GALNT2: variants seen among roughly 807,000 people sequenced by gnomAD.
GALNT2 encodes UDP-GalNAc:polypeptide N-acetylgalactosaminyltransferase 2.
A neutral mutation model predicts 81.4 loss-of-function variants in GALNT2; 31 were observed. The ratio of observed to expected loss-of-function variants is 0.38; its 90% CI spans 0.29 to 0.51. The LOEUF (loss-of-function observed/expected upper bound fraction) is 0.51, where lower values mean the gene tolerates loss of function less well. GALNT2 is among the 20% of genes least tolerant of loss of function. The pLI is 0.87. For synonymous variants in GALNT2, 303 were observed against 287.4 expected (o/e 1.05, Z -0.55); for missense variants, 629 against 765.7 (o/e 0.82, Z 2.11).
intron 1 of GALNT2, among the ~76,000 whole-genome samples, chr1:230,164,840 C>T (rs4846918): frequency 0.86 from 130,230 of 152,068 alleles, 55,845 homozygotes; most frequent in East Asian, 0.97. Context: ...TCTCAGCCCT[C>T]TTTCTAATTC....
At chr1:230,064,361 G>T (rs1659116011), upstream of GALNT2, among the ~76,000 whole-genome samples, 1 of 152,154 alleles carries the variant, frequency 6.6e-6, no homozygotes, top group Non-Finnish European at 1.5e-5. Flanking sequence ...TAGTCACTCT[G>T]CTGGCTTCCT....
At chr1:230,177,158 C>G (rs1257512411) in intron 1 of GALNT2, among the ~76,000 whole-genome samples, 2 of 152,222 alleles carry the variant, frequency 1.3e-5, no homozygotes, top group African/African-American at 4.8e-5. Context: ...GTCATTTGGC[C>G]CAGGCCCTGA....
intron 1 of GALNT2, chr1:230,091,895 C>G (rs1366068311): frequency 2.6e-5 from 4 of 152,270 alleles, no homozygotes; most frequent in African/African-American, 9.6e-5. Context: ...TAACCGGTTC[C>G]CTCAGGCCTA....
intron 14 of GALNT2, among the ~76,000 whole-genome samples, chr1:230,270,630 G>T (rs551884312): frequency 6.6e-6 from 1 of 152,242 alleles, no homozygotes; most frequent in Non-Finnish European, 1.5e-5. Context: ...TGAACCGATA[G>T]AAAGTGATGC....
At chr1:230,063,694 A>G (rs1396304125), upstream of GALNT2, among the ~76,000 whole-genome samples, 1 of 152,230 alleles carries the variant, frequency 6.6e-6, no homozygotes, top group Non-Finnish European at 1.5e-5. Flanking sequence ...TTGCAGATCA[A>G]ATCCTAATGA....
rs919852809 is a variant in GALNT2, at chr1:230,275,982, C to T, written c.1560+1418C>T. On this transcript the variant is annotated intron_variant, in intron 15 of 15. Transcript: ENST00000366672. The surrounding 1 kb of genome is among the most constrained non-coding windows in gnomAD (Gnocchi z 5.5). ...TATATATACATGCCACATATATATA[C>T]GTATATATACATGCCACATATATAT... Among the ~76,000 whole-genome samples, 2 of 75,842 alleles carry T rather than the reference C, an allele frequency of 2.6e-5. No homozygotes were observed. Among genetic ancestry groups the T allele is most frequent in the African/African-American group, 8.4e-5 (1 of 11,920 alleles). The allele number at this position is 75,842 out of a possible 152,430, so 49.8% of individuals were successfully genotyped here.
intron 2 of GALNT2, among the ~76,000 whole-genome samples, chr1:230,194,956 T>C (rs1397120875): frequency 6.6e-6 from 1 of 152,206 alleles, no homozygotes; most frequent in Non-Finnish European, 1.5e-5. Context: ...ATCCCAGCTC[T>C]GCGGGGAGAA....
intron 1 of GALNT2, among the ~76,000 whole-genome samples, chr1:230,147,952 C>T (rs572848119): frequency 5.3e-5 from 8 of 152,334 alleles, no homozygotes; most frequent in South Asian, 2.1e-4. Flanking sequence ...TCAGGGCAAA[C>T]GCTCTGTCCC....
chr1:230,112,383 AG>A (rs11432825), intron 1 of GALNT2, among the ~76,000 whole-genome samples: 8,997 of 133,974 alleles, frequency 0.067, 377 homozygotes, highest in African/African-American at 0.079. Context: ...GCGCCGGGGG[AG>A]GGGGGGGGCC....
At chr1:230,113,804 G>C (rs1458808143) in intron 1 of GALNT2, among the ~76,000 whole-genome samples, 2 of 152,166 alleles carry the variant, frequency 1.3e-5, no homozygotes, top group African/African-American at 4.8e-5. Flanking sequence ...GTCTTTTCGG[G>C]GAAGGGGTCA....
intron 6 of GALNT2, among the ~76,000 whole-genome samples, chr1:230,240,449 G>T (rs956116595): frequency 2.0e-5 from 3 of 152,090 alleles, no homozygotes; most frequent in Non-Finnish European, 4.4e-5. Flanking sequence ...AAAATTAGCC[G>T]GGCATGGTGG....
At chr1:230,104,148 G>A (rs1307070864) in intron 1 of GALNT2, among the ~76,000 whole-genome samples, 1 of 152,208 alleles carries the variant, frequency 6.6e-6, no homozygotes, top group East Asian at 1.9e-4. Context: ...AAAGGAGTCA[G>A]CAGGCTGGCT....
At chr1:230,139,993 C>T (rs932525435) in intron 1 of GALNT2, among the ~76,000 whole-genome samples, 1 of 152,242 alleles carries the variant, frequency 6.6e-6, no homozygotes, top group South Asian at 2.1e-4. Context: ...TCAGCCCAGC[C>T]TTCCTCAGAC....
At chr1:230,094,381 T>C (rs985679914) in intron 1 of GALNT2, among the ~76,000 whole-genome samples, 1 of 151,974 alleles carries the variant, frequency 6.6e-6, no homozygotes, top group Admixed American at 6.6e-5. Flanking sequence ...CCCAGCACTT[T>C]GGGAGGTCGA....
chr1:230,089,392 A>T (rs548321762), intron 1 of GALNT2, among the ~76,000 whole-genome samples: 1 of 152,038 alleles, frequency 6.6e-6, no homozygotes, highest in East Asian at 1.9e-4. Flanking sequence ...ACCTCAAGTG[A>T]TGTGCCCACC....
intron 1 of GALNT2, among the ~76,000 whole-genome samples, chr1:230,132,147 A>G (rs1410667015): frequency 3.3e-5 from 5 of 152,084 alleles, no homozygotes; most frequent in Non-Finnish European, 4.4e-5. Flanking sequence ...TGTTATTTCT[A>G]CATTCATCCC....
intron 1 of GALNT2, among the ~76,000 whole-genome samples, chr1:230,095,350 G>A (rs747318944): frequency 8.5e-5 from 13 of 152,144 alleles, no homozygotes; most frequent in Non-Finnish European, 1.5e-4. Flanking sequence ...ACTCCATGAG[G>A]CGTTTTTATT....
intron 7 of GALNT2, 85 bp from the exon 8 acceptor site, chr1:230,245,978 C>A: frequency 8.6e-7 from 1 of 1,156,312 alleles, no homozygotes; most frequent in Non-Finnish European, 1.3e-6. Flanking sequence ...TGCCCTGTGC[C>A]TGCCTAATAC....
At chr1:230,159,383 C>T (rs1662361974) in intron 1 of GALNT2, among the ~76,000 whole-genome samples, 2 of 152,178 alleles carry the variant, frequency 1.3e-5, no homozygotes, top group African/African-American at 4.8e-5. Context: ...AAGAAAGAGA[C>T]CCTGAGTGTG....
Sources: gnomAD v4.1 joint callset for allele counts (sites outside exome capture counted in the v4.1 genomes callset) on GRCh38, gnomAD v4.1.1 for gene constraint, Gnocchi (gnomAD v3.1) non-coding constraint, MANE v1.5 for transcripts, NCBI Gene and HGNC (gene_info 2026-07-23, HGNC 2026-07-21) for gene names.